Variants in PCDH7 observed in about 807,000 individuals in gnomAD.
The protein encoded by PCDH7 is protocadherin-7.
In PCDH7, 17 loss-of-function variants were observed where a neutral mutation model predicts 58.9. The ratio of observed to expected loss-of-function variants is 0.29; its 90% CI spans 0.20 to 0.43. The LOEUF (loss-of-function observed/expected upper bound fraction) is 0.43. Ranked by LOEUF, PCDH7 falls within the 20% of genes least tolerant of loss-of-function variation. The probability of loss-of-function intolerance (pLI) is 1.00; values close to 1 mark genes in which losing one functional copy is unlikely to be tolerated. For synonymous variants in PCDH7, 664 were observed against 616.4 expected, an observed-to-expected ratio of 1.08 and a Z score of -1.14; for missense variants, 1,274 against 1,441.0, an observed-to-expected ratio of 0.88 and a Z score of 1.88.
intron 3 of PCDH7, among the ~76,000 whole-genome samples, chr4:31,065,161 A>G (rs925077506): frequency 3.9e-5 from 6 of 151,996 alleles, no homozygotes; most frequent in Non-Finnish European, 5.9e-5. Flanking sequence ...TCCTCTGGCA[A>G]TGCAAGAACA....
chr4:31,069,652 A>T (rs1758380593), intron 3 of PCDH7, among the ~76,000 whole-genome samples: 1 of 151,980 alleles, frequency 6.6e-6, no homozygotes. Flanking sequence ...GTTTGATGGA[A>T]TTATACCAAA....
chr4:30,871,154 A>G (rs960482768), intron 1 of PCDH7, among the ~76,000 whole-genome samples: 1 of 152,102 alleles, frequency 6.6e-6, no homozygotes, highest in African/African-American at 2.4e-5. Flanking sequence ...TCTAGAGATG[A>G]TGAGAAATTT....
intron 1 of PCDH7, among the ~76,000 whole-genome samples, chr4:30,918,822 A>T (rs1230027134): frequency 6.6e-6 from 1 of 152,126 alleles, no homozygotes; most frequent in African/African-American, 2.4e-5. Flanking sequence ...CTAGTCTTCC[A>T]TCTATGACAA....
At chr4:31,002,049 C>G (rs529552219) in intron 3 of PCDH7, among the ~76,000 whole-genome samples, 48 of 152,266 alleles carry the variant, frequency 3.2e-4, no homozygotes, top group Non-Finnish European at 2.1e-4. Flanking sequence ...TTAAAGCAAG[C>G]TGCTTTGCTA....
intron 3 of PCDH7, among the ~76,000 whole-genome samples, chr4:30,978,439 C>T (rs1750264478): frequency 6.6e-6 from 1 of 152,064 alleles, no homozygotes; most frequent in African/African-American, 2.4e-5. Flanking sequence ...GCCCATATAG[C>T]CTTGGTATCA....
chr4:31,016,396 C>CT (rs35635325), intron 3 of PCDH7, among the ~76,000 whole-genome samples: 6,448 of 127,976 alleles, frequency 0.05, 185 homozygotes, highest in South Asian at 0.086. Context: ...AAAGACAGAT[C>CT]TTTTTTTTTT....
Position 30,721,487 on chromosome 4 carries a change from C to T in PCDH7, c.65C>T (p.Pro22Leu), listed in dbSNP as rs781622062. Reference sequence around the variant, plus strand: ...TGCTTGGGCTGCTGCCTCCTCCTGCCGCTCTCGCTCAGCCTGGCGGCCGCC... The same window carrying T: ...TGCTTGGGCTGCTGCCTCCTCCTGCTGCTCTCGCTCAGCCTGGCGGCCGCC... Residue 22 changes from proline (P) to leucine (L), a missense_variant, in exon 1 of 2, where the codon CCG becomes CTG. By Grantham distance (98) the Pro-to-Leu change is moderately conservative. Coordinates refer to ENST00000361762, the Ensembl canonical transcript of PCDH7. This position sits in a 1 kb window ranked among gnomAD's most constrained non-coding sequence, Gnocchi z 6.7. 1 of 1,592,544 alleles carries T rather than the reference C, an allele frequency of 6.3e-7. No individual in the cohort carries two copies. The highest frequency in any genetic ancestry group is 8.5e-7 in the Non-Finnish European group (1 of 1,174,952).
intron 3 of PCDH7, among the ~76,000 whole-genome samples, chr4:30,954,431 G>T (rs958389608): frequency 1.3e-5 from 2 of 151,966 alleles, no homozygotes; most frequent in African/African-American, 4.8e-5. Context: ...CTGTGGTACT[G>T]AACATTTCTT....
chr4:30,767,004 A>G (rs1720833363), intron 1 of PCDH7, among the ~76,000 whole-genome samples: 2 of 152,182 alleles, frequency 1.3e-5, no homozygotes, highest in Non-Finnish European at 2.9e-5. Flanking sequence ...TATTTGTTGA[A>G]AGAGTTTGAC....
At chr4:30,988,845 T>C (rs1165699816) in intron 3 of PCDH7, among the ~76,000 whole-genome samples, 1 of 152,160 alleles carries the variant, frequency 6.6e-6, no homozygotes, top group Non-Finnish European at 1.5e-5. Context: ...TGTGCAATGA[T>C]GGTAGTATTA....
intron 3 of PCDH7, among the ~76,000 whole-genome samples, chr4:31,133,545 A>C (rs1166141622): frequency 6.6e-6 from 1 of 152,138 alleles, no homozygotes; most frequent in African/African-American, 2.4e-5. Flanking sequence ...CTTTATCTAT[A>C]TCAGTGAATC....
At chr4:30,821,769 T>C (rs1017061733) in intron 1 of PCDH7, among the ~76,000 whole-genome samples, 1 of 152,168 alleles carries the variant, frequency 6.6e-6, no homozygotes, top group Non-Finnish European at 1.5e-5. Context: ...GAAAGTTGAA[T>C]TGCCGGAATT....
chr4:31,123,676 C>T (rs946124301), intron 3 of PCDH7, among the ~76,000 whole-genome samples: 2 of 152,178 alleles, frequency 1.3e-5, no homozygotes, highest in Non-Finnish European at 2.9e-5. Flanking sequence ...ATCAGTGTCA[C>T]AGCCTTTTTG....
At chr4:30,844,117 G>C (rs1234544482) in intron 1 of PCDH7, among the ~76,000 whole-genome samples, 1 of 152,030 alleles carries the variant, frequency 6.6e-6, no homozygotes, top group Non-Finnish European at 1.5e-5. Flanking sequence ...TTATTCTGAG[G>C]TTATTGCTAC....
intron 2 of PCDH7, among the ~76,000 whole-genome samples, chr4:30,924,202 G>A (rs1231000019): frequency 2.0e-5 from 3 of 152,102 alleles, no homozygotes; most frequent in Non-Finnish European, 4.4e-5. Context: ...AAGCCAGTTT[G>A]CCTTTGCTAT....
intron 3 of PCDH7, among the ~76,000 whole-genome samples, chr4:31,062,996 A>G (rs147433973): frequency 1.3e-5 from 2 of 151,962 alleles, no homozygotes; most frequent in East Asian, 3.9e-4. Flanking sequence ...TGTGTTTATT[A>G]CATATGTGTA....
chr4:30,994,964 T>C (rs918244071), intron 3 of PCDH7, among the ~76,000 whole-genome samples: 5 of 152,174 alleles, frequency 3.3e-5, no homozygotes, highest in East Asian at 1.9e-4. Flanking sequence ...ACACCAGATT[T>C]AGAAGATTTA....
At chr4:31,076,984 C>T (rs146191059) in intron 3 of PCDH7, among the ~76,000 whole-genome samples, 471 of 151,628 alleles carry the variant, frequency 3.1e-3, no homozygotes, top group Non-Finnish European at 4.9e-3. Flanking sequence ...ATCACTGCTT[C>T]GGTACATCCT....
At chr4:30,997,251 T>A (rs1344186094) in intron 3 of PCDH7, among the ~76,000 whole-genome samples, 5 of 152,176 alleles carry the variant, frequency 3.3e-5, no homozygotes, top group African/African-American at 1.2e-4. Context: ...TTCTTTTAAA[T>A]TCTATAAATG....
Sources: allele counts gnomAD v4.1 joint callset (sites outside exome capture counted in the v4.1 genomes callset), GRCh38; gene constraint gnomAD v4.1.1; non-coding constraint Gnocchi (gnomAD v3.1); transcripts MANE v1.5; gene names NCBI Gene and HGNC (gene_info 2026-07-23, HGNC 2026-07-21).